Variants in PCDH11Y observed in about 807,000 individuals in gnomAD.
PCDH11Y encodes the protein protocadherin-11 Y-linked.
For missense variants in PCDH11Y, 12 were observed against 224.8 expected (o/e 0.05, Z 6.05); for synonymous variants, 9 against 83.6 (o/e 0.11, Z 4.87).
At chrY:5,605,354 C>T in intron 4 of PCDH11Y, among the ~76,000 whole-genome samples, 2 of 33,119 alleles carry the variant, frequency 6.0e-5, no homozygotes, top group Non-Finnish European at 1.5e-4. Context: ...ATTTTTTGTG[C>T]TAATTGGCTC....
intron 2 of PCDH11Y, among the ~76,000 whole-genome samples, chrY:5,471,812 C>A (rs2053314154): frequency 3.1e-5 from 1 of 32,379 alleles, no homozygotes; most frequent in East Asian, 8.1e-4. Context: ...AGCTTTATTT[C>A]TTGCTTTTCT....
chrY:5,249,419 C>G, intron 2 of PCDH11Y, among the ~76,000 whole-genome samples: 1 of 31,727 alleles, frequency 3.2e-5, no homozygotes, highest in Non-Finnish European at 7.7e-5. Flanking sequence ...ATAGAGACCT[C>G]AGAAATACCA....
intron 2 of PCDH11Y, among the ~76,000 whole-genome samples, chrY:5,349,948 A>G: frequency 3.0e-5 from 1 of 33,827 alleles, no homozygotes; most frequent in Non-Finnish European, 7.3e-5. Flanking sequence ...CCAAACACAA[A>G]TGGGAGAGTT....
chrY:5,593,005 A>G, intron 4 of PCDH11Y, among the ~76,000 whole-genome samples: 1 of 31,369 alleles, frequency 3.2e-5, no homozygotes. Flanking sequence ...CTTCTTGTAA[A>G]GTATCTTACT....
chrY:5,022,817 A>C (rs2124620034), intron 1 of PCDH11Y, among the ~76,000 whole-genome samples: 7 of 32,672 alleles, frequency 2.1e-4, no homozygotes, highest in Admixed American at 5.7e-4. Context: ...AAAAGGTAAC[A>C]TCGGCTGCAT....
chrY:5,694,623 A>C, intron 4 of PCDH11Y, among the ~76,000 whole-genome samples: 1 of 32,140 alleles, frequency 3.1e-5, no homozygotes, highest in Non-Finnish European at 7.7e-5. Context: ...AATTATTGAA[A>C]ATAAGGTGAT....
chrY:5,362,125 C>G, intron 2 of PCDH11Y, among the ~76,000 whole-genome samples: 3 of 33,029 alleles, frequency 9.1e-5, no homozygotes, highest in Admixed American at 8.5e-4. Context: ...AATCACATAC[C>G]ATACAATTGA....
chrY:5,375,014 T>A, intron 2 of PCDH11Y, among the ~76,000 whole-genome samples: 1 of 33,830 alleles, frequency 3.0e-5, no homozygotes, highest in South Asian at 6.5e-4. Context: ...TATGGATAAT[T>A]GATGCTATAA....
chrY:5,646,570 C>G, intron 4 of PCDH11Y, among the ~76,000 whole-genome samples: 1 of 31,748 alleles, frequency 3.1e-5, no homozygotes, highest in African/African-American at 1.2e-4. Flanking sequence ...GATTATTTCA[C>G]TTTGCATGCC....
At chrY:5,156,993 C>A (rs2124644075) in intron 2 of PCDH11Y, among the ~76,000 whole-genome samples, 1 of 32,884 alleles carries the variant, frequency 3.0e-5, no homozygotes, top group South Asian at 6.8e-4. Context: ...GTTCTCTATG[C>A]AAATATTTGA....
chrY:5,051,355 G>A, upstream of PCDH11Y, among the ~76,000 whole-genome samples: 2 of 32,850 alleles, frequency 6.1e-5, no homozygotes, highest in Non-Finnish European at 1.5e-4. Context: ...TGTTGACAAA[G>A]TACAGTAAAA....
chrY:5,011,481 G>T (rs1569474135), intron 1 of PCDH11Y, among the ~76,000 whole-genome samples: 1 of 33,891 alleles, frequency 3.0e-5, no homozygotes, highest in East Asian at 7.9e-4. Flanking sequence ...TATCCAATTA[G>T]ATTTTCATTT....
intron 2 of PCDH11Y, among the ~76,000 whole-genome samples, chrY:5,235,910 A>G (rs2124654365): frequency 3.0e-5 from 1 of 33,678 alleles, no homozygotes; most frequent in African/African-American, 1.1e-4. Context: ...TGTTTTCTGC[A>G]ACCTCACCAA....
chrY:5,653,596 A>G (rs2053533614), intron 4 of PCDH11Y, among the ~76,000 whole-genome samples: 1 of 33,291 alleles, frequency 3.0e-5, no homozygotes, highest in Non-Finnish European at 7.4e-5. Flanking sequence ...AAAGCCTCCA[A>G]GGCATATGGG....
chrY:5,385,060 G>C (rs2053210992), intron 2 of PCDH11Y, among the ~76,000 whole-genome samples: 1 of 28,412 alleles, frequency 3.5e-5, no homozygotes, highest in African/African-American at 1.4e-4. Flanking sequence ...AACAGGGAAT[G>C]GTTTTATTTA....
intron 2 of PCDH11Y, among the ~76,000 whole-genome samples, chrY:5,297,969 T>A (rs2053077084): frequency 2.5e-3 from 86 of 34,024 alleles, no homozygotes; most frequent in African/African-American, 9.2e-3. Flanking sequence ...TCTTTACAAC[T>A]GTGGCAATAT....
At chrY:5,379,010 T>C in intron 2 of PCDH11Y, among the ~76,000 whole-genome samples, 2 of 31,621 alleles carry the variant, frequency 6.3e-5, no homozygotes, top group South Asian at 7.2e-4. Context: ...CAAAAATAGG[T>C]TGAGACAACT....
At chrY:5,215,060 C>T (rs2052944030) in intron 2 of PCDH11Y, among the ~76,000 whole-genome samples, 19 of 32,707 alleles carry the variant, frequency 5.8e-4, no homozygotes, top group African/African-American at 7.2e-4. Flanking sequence ...GGAGATTTCC[C>T]TGCTTCATGG....
intron 2 of PCDH11Y, among the ~76,000 whole-genome samples, chrY:5,226,001 C>CT (rs753423538): frequency 1.3e-3 from 11 of 8,244 alleles, no homozygotes; most frequent in East Asian, 0.011. Flanking sequence ...GTTATTTGAG[C>CT]TTTTTTTTTT....
Sources: allele counts gnomAD v4.1 joint callset (sites outside exome capture counted in the v4.1 genomes callset), GRCh38; gene constraint gnomAD v4.1.1; transcripts MANE v1.5; gene names NCBI Gene and HGNC (gene_info 2026-07-23, HGNC 2026-07-21).